GBE1: variants seen among roughly 807,000 people sequenced by gnomAD.
GBE1 encodes the protein 1,4-alpha-glucan branching enzyme 1.
GBE1 carries 70 observed loss-of-function variants against 88.8 expected under a neutral mutation model. That is an observed-to-expected ratio of 0.79 (90% CI 0.65 to 0.96). GBE1 has a LOEUF of 0.96. Ranked by LOEUF, GBE1 falls within the 40% of genes least tolerant of loss-of-function variation. The pLI is 0.00. For missense variants in GBE1, 872 were observed against 871.0 expected (o/e 1.00, Z -0.01); for synonymous variants, 284 against 300.1 (o/e 0.95, Z 0.56).
chr3:81,526,894 A>T (rs527377659), intron 14 of GBE1, among the ~76,000 whole-genome samples: 63 of 152,268 alleles, frequency 4.1e-4, no homozygotes, highest in Non-Finnish European at 7.8e-4. Flanking sequence ...GGAACCAAAA[A>T]AGAGCCCGCA....
intron 6 of GBE1, 87 bp downstream of exon 6, chr3:81,646,305 G>A (rs1026532489): frequency 2.3e-6 from 2 of 853,050 alleles, no homozygotes; most frequent in South Asian, 3.1e-5. Context: ...AAGGTTACAC[G>A]ATGTTATAAA....
intron 3 of GBE1, among the ~76,000 whole-genome samples, chr3:81,652,364 T>C (rs207463252): frequency 6.6e-6 from 1 of 152,216 alleles, no homozygotes; most frequent in Non-Finnish European, 1.5e-5. Flanking sequence ...AGTTTGTAGG[T>C]AGGGTAAAAT....
At chr3:81,761,333 G>A (rs1706682779) in intron 1 of GBE1, 42 bp downstream of exon 1, 2 of 1,573,930 alleles carry the variant, frequency 1.3e-6, no homozygotes, top group Admixed American at 1.7e-5. Context: ...CCTGGGAGGC[G>A]GGCTGCCTGT....
intron 3 of GBE1, among the ~76,000 whole-genome samples, chr3:81,663,926 A>C (rs1705070387): frequency 6.6e-6 from 1 of 152,202 alleles, no homozygotes; most frequent in Admixed American, 6.5e-5. Flanking sequence ...GACACTAATA[A>C]TTTCCATTTG....
At chr3:81,499,043 A>G (rs1702551467) in intron 15 of GBE1, 67 bp downstream of exon 15, 1 of 891,816 alleles carries the variant, frequency 1.1e-6, no homozygotes, top group East Asian at 2.7e-5. Context: ...GTTTATTTGA[A>G]CAAAAACATT....
At chr3:81,579,978 T>C (rs1419946318) in intron 11 of GBE1, among the ~76,000 whole-genome samples, 1 of 152,098 alleles carries the variant, frequency 6.6e-6, no homozygotes, top group Non-Finnish European at 1.5e-5. Context: ...AGGCAGCAGG[T>C]AGGATTTGGC....
At chr3:81,615,422 T>A (rs1704236100) in intron 7 of GBE1, among the ~76,000 whole-genome samples, 1 of 152,204 alleles carries the variant, frequency 6.6e-6, no homozygotes, top group African/African-American at 2.4e-5. Flanking sequence ...CATAGTTGCA[T>A]CCAGAGCACT....
At chr3:81,729,145 G>C (rs548159983) in intron 1 of GBE1, among the ~76,000 whole-genome samples, 1 of 152,234 alleles carries the variant, frequency 6.6e-6, no homozygotes, top group Non-Finnish European at 1.5e-5. Context: ...CTTGCAAAAT[G>C]GAATTCCACT....
chr3:81,669,352 A>C lies in GBE1; in HGVS notation c.429+1486T>G, dbSNP rs575852086. On this transcript the variant is annotated intron_variant, in intron 3 of 15. Transcript: ENST00000429644. ...GAAAAAATTCCTGCAACACTTTTTA[A>C]AAAGTAGTAAGTTCAGTTCTCAAAA... Among the ~76,000 whole-genome samples the C allele has an allele frequency of 2.4e-3, 365 of 152,358 alleles. 5 individuals carry two copies. The highest frequency in any genetic ancestry group is 8.4e-3 in the African/African-American group (350 of 41,584).
intron 7 of GBE1, among the ~76,000 whole-genome samples, chr3:81,628,783 A>ATATATATATG (rs1553687073): frequency 1.5e-5 from 2 of 131,144 alleles, no homozygotes; most frequent in East Asian, 2.3e-4. Flanking sequence ...ATATATATAT[A>ATATATATATG]GCAACAGAGT....
At chr3:81,699,457 T>A (rs932749743) in intron 2 of GBE1, among the ~76,000 whole-genome samples, 4 of 152,144 alleles carry the variant, frequency 2.6e-5, no homozygotes, top group Non-Finnish European at 5.9e-5. Context: ...CAGGGTTCTC[T>A]TAGAGGGACA....
intron 14 of GBE1, among the ~76,000 whole-genome samples, chr3:81,531,109 C>G (rs990586934): frequency 6.6e-6 from 1 of 151,268 alleles, no homozygotes; most frequent in African/African-American, 2.4e-5. Context: ...CCACCACCAC[C>G]CCAAGGCCAT....
chr3:81,564,924 T>C (rs1703471605), intron 12 of GBE1, among the ~76,000 whole-genome samples: 1 of 152,184 alleles, frequency 6.6e-6, no homozygotes, highest in Non-Finnish European at 1.5e-5. Context: ...GCCAGAGCCT[T>C]ACACTCAGCG....
intron 3 of GBE1, chr3:81,650,145 G>A (rs1244439317): frequency 2.9e-6 from 1 of 342,888 alleles, no homozygotes; most frequent in Non-Finnish European, 5.3e-6. Flanking sequence ...AACATTTTAT[G>A]GCTTTCTGGC....
At chr3:81,729,559 A>G (rs1706158434) in intron 1 of GBE1, among the ~76,000 whole-genome samples, 1 of 152,212 alleles carries the variant, frequency 6.6e-6, no homozygotes, top group Non-Finnish European at 1.5e-5. Context: ...CTTGGGAAGA[A>G]AGTAACTTAG....
At chr3:81,595,791 G>A (rs1206994065) in intron 7 of GBE1, among the ~76,000 whole-genome samples, 1 of 151,834 alleles carries the variant, frequency 6.6e-6, no homozygotes, top group Non-Finnish European at 1.5e-5. Flanking sequence ...GAAATAAACT[G>A]TGTTTAAAAT....
At chr3:81,751,982 C>T (rs899058632) in intron 1 of GBE1, among the ~76,000 whole-genome samples, 9 of 152,124 alleles carry the variant, frequency 5.9e-5, no homozygotes, top group Non-Finnish European at 1.2e-4. Context: ...AAAACTTCAA[C>T]TTTATGCAAG....
Position 81,657,393 on chromosome 3 carries a change from T to A in GBE1, c.430-7472A>T, listed in dbSNP as rs76581311. Among the ~76,000 whole-genome samples the A allele has an allele frequency of 1.7e-3, 230 of 132,506 alleles. No homozygotes were observed. In the East Asian group the frequency reaches 0.021, roughly 12 times the overall value. 86.9% of individuals were successfully genotyped at this position (132,506 alleles called of 152,430 possible). A position where few individuals can be genotyped will look rare whatever the true frequency, so the allele number is the denominator to read the frequency against. ...AGATAATCAGTGAACAAAAAAAAAA[T>A]ATCTATTGAAAAAATTGCATTCTGA... On this transcript the variant is annotated intron_variant, in intron 3 of 15. Coordinates refer to ENST00000429644, the MANE Select transcript of GBE1 (RefSeq NM_000158.4).
At chr3:81,592,297 C>T (rs1703890025) in intron 8 of GBE1, among the ~76,000 whole-genome samples, 1 of 152,128 alleles carries the variant, frequency 6.6e-6, no homozygotes, top group South Asian at 2.1e-4. Context: ...CCATTTCCTC[C>T]ACTCCTCAGC....
Sources: allele counts gnomAD v4.1 joint callset (sites outside exome capture counted in the v4.1 genomes callset), GRCh38; gene constraint gnomAD v4.1.1; transcripts MANE v1.5; gene names NCBI Gene and HGNC (gene_info 2026-07-23, HGNC 2026-07-21).